WNT3: variants seen among roughly 807,000 people sequenced by gnomAD.
The protein encoded by WNT3 is Wnt family member 3, also known as proto-oncogene Wnt-3.
Under a neutral mutation model 34.2 loss-of-function variants are expected in WNT3, and 7 were observed. The ratio of observed to expected loss-of-function variants is 0.20; its 90% CI spans 0.12 to 0.38. WNT3 has a LOEUF of 0.38. WNT3 is among the 10% of genes least tolerant of loss of function. The pLI is 1.00. For synonymous variants in WNT3, 212 were observed against 211.5 expected (o/e 1.00, Z -0.02); for missense variants, 267 against 499.8 (o/e 0.53, Z 4.44).
intron 1 of WNT3, among the ~76,000 whole-genome samples, chr17:46,792,505 G>T (rs770062576): frequency 1.9e-4 from 29 of 152,100 alleles, no homozygotes; most frequent in Non-Finnish European, 3.2e-4. Context: ...ACAGAGTCTT[G>T]CTCTGTCACC....
chr17:46,791,217 CT>C (rs936253029), intron 1 of WNT3, among the ~76,000 whole-genome samples: 338 of 146,596 alleles, frequency 2.3e-3, no homozygotes, highest in African/African-American at 6.5e-3. Context: ...TTTCCTTACT[CT>C]TTTTTTTTTT....
intron 1 of WNT3, among the ~76,000 whole-genome samples, chr17:46,790,727 A>T (rs1418614007): frequency 6.6e-6 from 1 of 152,184 alleles, no homozygotes; most frequent in Non-Finnish European, 1.5e-5. Context: ...GTTCACGGCC[A>T]CAGAAGCAAA....
intron 1 of WNT3, among the ~76,000 whole-genome samples, chr17:46,794,901 C>G (rs1226250974): frequency 1.3e-5 from 2 of 152,060 alleles, no homozygotes; most frequent in African/African-American, 2.4e-5. Flanking sequence ...TAGGCACCCA[C>G]CACCATGCTT....
At chr17:46,781,098 C>T (rs1311190578) in intron 1 of WNT3, among the ~76,000 whole-genome samples, 5 of 151,518 alleles carry the variant, frequency 3.3e-5, no homozygotes, top group South Asian at 2.1e-4. Context: ...CCTGGTGGTG[C>T]GTGCCTGTAG....
intron 2 of WNT3, among the ~76,000 whole-genome samples, chr17:46,772,780 A>G (rs947454187): frequency 1.1e-4 from 10 of 87,534 alleles, no homozygotes; most frequent in African/African-American, 4.4e-4. Flanking sequence ...AACCCCACCC[A>G]GCACCCCACC....
intron 1 of WNT3, among the ~76,000 whole-genome samples, chr17:46,781,666 C>CA (rs1196095424): frequency 6.6e-6 from 1 of 152,068 alleles, no homozygotes; most frequent in Non-Finnish European, 1.5e-5. Context: ...GTGATGGTCA[C>CA]ACAGCATTGG....
intron 1 of WNT3, 40 bp downstream of exon 1, chr17:46,818,478 G>A (rs779463789): frequency 1.0e-4 from 165 of 1,572,824 alleles, no homozygotes; most frequent in Non-Finnish European, 1.4e-4. Context: ...CGGACGCGGC[G>A]GAGAAACCGG....
chr17:46,814,722 G>A (rs953093849), intron 1 of WNT3, among the ~76,000 whole-genome samples: 1 of 152,184 alleles, frequency 6.6e-6, no homozygotes, highest in Middle Eastern at 3.2e-3. Flanking sequence ...TTCCTCCCCC[G>A]CAGTCTCCAG....
intron 2 of WNT3, among the ~76,000 whole-genome samples, chr17:46,771,502 C>A (rs1424475583): frequency 6.7e-6 from 1 of 149,312 alleles, no homozygotes; most frequent in Non-Finnish European, 1.5e-5. Flanking sequence ...GCGGGGGCGG[C>A]GGGGGCGGGG....
intron 1 of WNT3, among the ~76,000 whole-genome samples, chr17:46,781,472 C>G (rs199508): frequency 0.64 from 97,453 of 151,378 alleles, 33,756 homozygotes; most frequent in South Asian, 0.83. Flanking sequence ...AACTTGAAAA[C>G]AAGCTAAGCG....
At chr17:46,812,489 T>G (rs1225609135) in intron 1 of WNT3, among the ~76,000 whole-genome samples, 1 of 152,110 alleles carries the variant, frequency 6.6e-6, no homozygotes. Context: ...CCACTCCCCC[T>G]GGGAAGCCTG....
chr17:46,789,701 T>TA (rs1389142301), intron 1 of WNT3, among the ~76,000 whole-genome samples: 9 of 152,216 alleles, frequency 5.9e-5, no homozygotes, highest in Admixed American at 5.9e-4. Flanking sequence ...GCTGGAGTAC[T>TA]AAACCATGGC....
chr17:46,766,323 G>T (rs2059312477), intron 4 of WNT3, among the ~76,000 whole-genome samples: 1 of 151,834 alleles, frequency 6.6e-6, no homozygotes, highest in Admixed American at 6.6e-5. Context: ...CAGGAGAATC[G>T]CTTGAACCCA....
chr17:46,776,318 G>T (rs568684281), intron 1 of WNT3, among the ~76,000 whole-genome samples: 2 of 152,332 alleles, frequency 1.3e-5, no homozygotes, highest in Admixed American at 1.3e-4. Flanking sequence ...TGGGCACACG[G>T]CGCACACAGC....
intron 1 of WNT3, among the ~76,000 whole-genome samples, chr17:46,778,541 C>T (rs970582816): frequency 6.6e-6 from 1 of 152,088 alleles, no homozygotes; most frequent in African/African-American, 2.4e-5. Flanking sequence ...CACCCTGAGC[C>T]TCCTGCCCGC....
At chr17:46,785,235 G>T (rs1598771895) in intron 1 of WNT3, among the ~76,000 whole-genome samples, 1 of 152,340 alleles carries the variant, frequency 6.6e-6, no homozygotes, top group African/African-American at 2.4e-5. Flanking sequence ...CTGGGATCCA[G>T]GTTCTGGGTC....
In WNT3 at chr17:46,763,831, C is replaced by CAAAAAAAAAAAAAAAAAA. The variant is rs374185346; in HGVS notation, c.*798_*799insTTTTTTTTTTTTTTTTTT. Reference sequence around the variant, plus strand: ...GCCTATTTACAAGGTCCACTACCACCAAAAAAAAAAAAAAACAAAAAAACA... The same window carrying CAAAAAAAAAAAAAAAAAA: ...GCCTATTTACAAGGTCCACTACCACCAAAAAAAAAAAAAAAAAAAAAAAAAAAAAAAAACAAAAAAACA... On this transcript the variant is annotated 3_prime_UTR_variant, in exon 5 of 5. Coordinates refer to ENST00000225512, the MANE Select transcript of WNT3 (RefSeq NM_030753.5). 8.1e-6 allele frequency: 1 copy of CAAAAAAAAAAAAAAAAAA among 123,716 alleles called. No individual in the cohort carries two copies. The highest frequency in any genetic ancestry group is 2.6e-4 in the South Asian group (1 of 3,892). 7.7% of individuals were successfully genotyped at this position (123,716 alleles called of 1,614,324 possible). A position where few individuals can be genotyped will look rare whatever the true frequency, so the allele number is the denominator to read the frequency against.
intron 1 of WNT3, among the ~76,000 whole-genome samples, chr17:46,809,516 G>A (rs150246801): frequency 5.3e-5 from 8 of 152,264 alleles, no homozygotes; most frequent in African/African-American, 1.7e-4. Flanking sequence ...TTTTCCAGCC[G>A]AGCTGGAGGG....
In WNT3 at chr17:46,779,092, CACACACACACA is replaced by C. The variant is rs1568079796; in HGVS notation, c.81-5194_81-5184del. Among the ~76,000 whole-genome samples, 48 of 148,506 alleles carry C rather than the reference CACACACACACA, an allele frequency of 3.2e-4. 1 individual carries two copies. The East Asian group carries it at 8.6e-3, about 26-fold the overall frequency. ...ACACACACACACACACACACACACA[CACACACACACA>C]CCCCAGCCCACTCGGCCTTCCAAAG... On this transcript the variant is annotated intron_variant, in intron 1 of 4. Coordinates refer to ENST00000225512, the MANE Select transcript of WNT3 (RefSeq NM_030753.5).
Sources: allele counts gnomAD v4.1 joint callset (sites outside exome capture counted in the v4.1 genomes callset), GRCh38; gene constraint gnomAD v4.1.1; transcripts MANE v1.5; gene names NCBI Gene and HGNC (gene_info 2026-07-23, HGNC 2026-07-21).